Variants in FHL1 observed in about 807,000 individuals in gnomAD.
The protein encoded by FHL1 is four and a half LIM domains protein 1.
FHL1 carries 1 observed loss-of-function variant against 20.3 expected under a neutral mutation model. The ratio of observed to expected loss-of-function variants is 0.05; its 90% CI spans 0.02 to 0.23. FHL1 has a LOEUF of 0.23. FHL1 is among the 10% of genes least tolerant of loss of function. The pLI is 1.00. For missense variants in FHL1, 177 were observed against 234.0 expected (o/e 0.76, Z 1.59); for synonymous variants, 82 against 88.9 (o/e 0.92, Z 0.44).
At position 136,151,336 on chromosome X, in the gene FHL1, A is replaced by G. The variant is rs748454536; in HGVS notation, c.-101+3708A>G. ...TTTCCTCTACATAATGTAGCAGAAC[A>G]TAATTCCAGGAGAGTAGAGAACAAT... On this transcript the variant is annotated intron_variant, in intron 1 of 7. Coordinates refer to the FHL1 transcript ENST00000394155. 1.2e-4 allele frequency among the ~76,000 whole-genome samples: 14 copies of G among 113,207 alleles called. No individual in the cohort carries two copies. In the Admixed American group the frequency reaches 1.3e-3, roughly 11 times the overall value.
chrX:136,203,335 A>G (rs1172196457), intron 1 of FHL1, among the ~76,000 whole-genome samples: 6 of 112,207 alleles, frequency 5.3e-5, no homozygotes, highest in Admixed American at 1.9e-4. Context: ...AGGTTTAAGT[A>G]TAGAGTGGTG....
rs1400310374 is a variant in FHL1, at chrX:136,187,131, G to GT, written c.-27+17162dup. Among the ~76,000 whole-genome samples the GT allele has an allele frequency of 6.8e-3, 622 of 90,925 alleles. 2 individuals are homozygous for GT. The highest frequency in any genetic ancestry group is 0.021 in the African/African-American group (546 of 26,005). The allele number at this position is 90,925 out of a possible 115,157, so 79.0% of individuals were successfully genotyped here. A position where few individuals can be genotyped will look rare whatever the true frequency, so the allele number is the denominator to read the frequency against. Reference sequence around the variant, plus strand: ...GTATGTATAGTATACCACTATTTATGTTTTTTTTTTTAAAAGAGGAAAAAG... The same window carrying GT: ...GTATGTATAGTATACCACTATTTATGTTTTTTTTTTTTAAAAGAGGAAAAAG... On this transcript the variant is annotated intron_variant, in intron 2 of 6. Coordinates refer to the FHL1 transcript ENST00000394153.
At chrX:136,203,587 G>T (rs1022534933) in intron 1 of FHL1, among the ~76,000 whole-genome samples, 31 of 111,970 alleles carry the variant, frequency 2.8e-4, no homozygotes, top group African/African-American at 9.7e-4. Flanking sequence ...TATCTTCACT[G>T]GTGAGCTGTG....
chrX:136,195,500 G>A (rs935029345), upstream of FHL1, among the ~76,000 whole-genome samples: 1 of 112,356 alleles, frequency 8.9e-6, no homozygotes, highest in African/African-American at 3.2e-5. Context: ...AGACTAGAAA[G>A]GCGTGGAGCC....
intron 1 of FHL1, among the ~76,000 whole-genome samples, chrX:136,150,360 C>G (rs1603239078): frequency 8.9e-6 from 1 of 111,800 alleles, no homozygotes; most frequent in South Asian, 3.7e-4. Flanking sequence ...TTCCCCATGC[C>G]TCTCCTTTCT....
intron 1 of FHL1, among the ~76,000 whole-genome samples, chrX:136,157,337 G>T (rs2072449272): frequency 9.0e-6 from 1 of 111,247 alleles, no homozygotes; most frequent in South Asian, 3.8e-4. Context: ...ATTTTCCAAT[G>T]CACTAAGCAC....
rs1375411779 is a variant in FHL1 at position 136,207,133 on chromosome X, T to A, written c.322T>A (p.Cys108Ser). 8.3e-7 allele frequency: 1 copy of A among 1,209,968 alleles called. No homozygotes were observed. Among genetic ancestry groups the A allele is most frequent in the East Asian group, 3.0e-5 (1 of 33,721 alleles). ...AKDNKILCNK[C>S]TTREDSPKCK... ...GGACAACAAGATCCTGTGCAACAAG[T>A]GCACCACTCGGGAGGACTCCCCCAA... Residue 108 changes from cysteine (C) to serine (S), a missense_variant, in exon 3 of 6, where the codon TGC (cysteine) becomes AGC (serine). Transcript: ENST00000370683.
upstream of FHL1, chrX:136,168,261 C>A (rs188156774): frequency 4.5e-5 from 5 of 111,639 alleles, 1 homozygote; most frequent in Admixed American, 3.8e-4. Flanking sequence ...TGTAGCTGCA[C>A]GAAAGGGTGT....
At chrX:136,196,959 G>T, upstream of FHL1, 1 of 1,042,294 alleles carries the variant, frequency 9.6e-7, no homozygotes, top group Non-Finnish European at 1.3e-6. Flanking sequence ...GATTAAGGTT[G>T]TGATCTCTGG....
chrX:136,157,136 A>G (rs1260979692), intron 1 of FHL1, among the ~76,000 whole-genome samples: 1 of 111,634 alleles, frequency 9.0e-6, no homozygotes, highest in Non-Finnish European at 1.9e-5. Flanking sequence ...CTACCCTGTA[A>G]ATGATCGTCA....
At chrX:136,147,145 G>A, upstream of FHL1, 1 of 199,195 alleles carries the variant, frequency 5.0e-6, no homozygotes, top group South Asian at 7.2e-5. Flanking sequence ...CGCGAGGGAG[G>A]GGGCCCGAGG....
chrX:136,208,685 C>T (rs374268368), intron 5 of FHL1, 44 bp downstream of exon 5: 32 of 1,122,261 alleles, frequency 2.9e-5, no homozygotes, highest in African/African-American at 1.8e-4. Flanking sequence ...CTAGGTTTTG[C>T]GCATGGTAAC....
intron 1 of FHL1, among the ~76,000 whole-genome samples, chrX:136,158,543 T>C (rs1315815520): frequency 1.8e-5 from 2 of 110,143 alleles, no homozygotes; most frequent in African/African-American, 6.8e-5. Context: ...TGATTTCTCA[T>C]GAGAAAGCCA....
At chrX:136,206,712 C>T (rs2073850187) in intron 2 of FHL1, 124 bp downstream of exon 2, 9 of 927,615 alleles carry the variant, frequency 9.7e-6, no homozygotes, top group Non-Finnish European at 1.4e-5. Context: ...CTTGAGGCCT[C>T]AAGGAAGCCT....
At chrX:136,172,858 A>G (rs187535937) in intron 2 of FHL1, among the ~76,000 whole-genome samples, 2 of 111,794 alleles carry the variant, frequency 1.8e-5, no homozygotes, top group Admixed American at 1.9e-4. Flanking sequence ...TCAGCCTCCC[A>G]AGTAGCTGGG....
chrX:136,208,101 TGAG>T (rs1603271880), intron 4 of FHL1, 140 bp downstream of exon 4: 8 of 801,864 alleles, frequency 1.0e-5, no homozygotes, highest in African/African-American at 2.0e-5. Flanking sequence ...GTTTTACAGA[TGAG>T]GAGATCGTGG....
At chrX:136,209,385 C>A in intron 5 of FHL1, 2 of 1,211,122 alleles carry the variant, frequency 1.7e-6, no homozygotes, top group Non-Finnish European at 1.1e-6. Context: ...GGACTTGTCC[C>A]TCGTGGGTGG....
intron 1 of FHL1, among the ~76,000 whole-genome samples, chrX:136,160,850 T>TA (rs2072546300): frequency 9.0e-6 from 1 of 110,597 alleles, no homozygotes; most frequent in Non-Finnish European, 1.9e-5. Context: ...AGAAAGAGGA[T>TA]AAAAATAACC....
At chrX:136,189,520 A>G (rs990855112) in intron 2 of FHL1, among the ~76,000 whole-genome samples, 2 of 111,779 alleles carry the variant, frequency 1.8e-5, no homozygotes, top group Admixed American at 1.9e-4. Flanking sequence ...GATAAATTCT[A>G]TTTGTAGGAA....
Sources: allele counts gnomAD v4.1 joint callset (sites outside exome capture counted in the v4.1 genomes callset), GRCh38; gene constraint gnomAD v4.1.1; transcripts MANE v1.5; gene names NCBI Gene and HGNC (gene_info 2026-07-23, HGNC 2026-07-21).